The following AK5 variants were observed in gnomAD, a reference collection of about 807,000 sequenced individuals.
AK5 encodes the protein adenylate kinase 5.
Under a neutral mutation model 69.5 loss-of-function variants are expected in AK5, and 27 were observed. The ratio of observed to expected loss-of-function variants is 0.39; its 90% CI spans 0.29 to 0.54. The LOEUF is 0.54. AK5 is among the 20% of genes least tolerant of loss of function. The probability of loss-of-function intolerance (pLI) is 0.71; values close to 1 mark genes in which losing one functional copy is unlikely to be tolerated. For synonymous variants in AK5, 260 were observed against 244.4 expected, an observed-to-expected ratio of 1.06 and a Z score of -0.60; for missense variants, 531 against 700.4, an observed-to-expected ratio of 0.76 and a Z score of 2.73.
chr1:77,466,698 C>T lies in AK5; in HGVS notation c.1060-16619C>T, dbSNP rs999474595. Among the ~76,000 whole-genome samples, 5 of 152,322 alleles carry T rather than the reference C, an allele frequency of 3.3e-5. 1 individual carries two copies. The highest frequency in any genetic ancestry group is 3.3e-4 in the Admixed American group (5 of 15,294). On this transcript the variant is annotated intron_variant, in intron 8 of 13. Transcript: ENST00000354567. ...TCAAGGTGCCAGCATCTGGTGAGGG[C>T]CTGTTTGCTACGTCCTCACATGTTG...
At chr1:77,343,176 C>T (rs1661744540) in intron 6 of AK5, among the ~76,000 whole-genome samples, 1 of 152,100 alleles carries the variant, frequency 6.6e-6, no homozygotes, top group Non-Finnish European at 1.5e-5. Context: ...ATGTCATGCA[C>T]TGTTTTAGGG....
intron 13 of AK5, among the ~76,000 whole-genome samples, chr1:77,536,776 T>C (rs1658994505): frequency 6.6e-6 from 1 of 152,238 alleles, no homozygotes; most frequent in Non-Finnish European, 1.5e-5. Flanking sequence ...CACAATTGGC[T>C]CTTGGCTCCT....
chr1:77,505,206 A>G (rs1450564045), intron 10 of AK5, among the ~76,000 whole-genome samples: 1 of 152,162 alleles, frequency 6.6e-6, no homozygotes, highest in Admixed American at 6.5e-5. Context: ...ACTTCCCTTT[A>G]CTGTGCACAA....
chr1:77,306,985 T>A (rs546924905), intron 5 of AK5, among the ~76,000 whole-genome samples: 2 of 152,258 alleles, frequency 1.3e-5, no homozygotes, highest in Non-Finnish European at 2.9e-5. Flanking sequence ...CTCTTTTTTT[T>A]CCTAGCCTGG....
intron 5 of AK5, chr1:77,313,968 A>G: frequency 2.1e-6 from 1 of 470,808 alleles, no homozygotes; most frequent in Admixed American, 2.4e-5. Flanking sequence ...TGAAGTACAG[A>G]GCTGGCTATT....
At chr1:77,335,354 G>A (rs1661291341) in intron 5 of AK5, among the ~76,000 whole-genome samples, 1 of 148,754 alleles carries the variant, frequency 6.7e-6, no homozygotes, top group Admixed American at 6.8e-5. Flanking sequence ...TTACTTCCAT[G>A]TAGACAAAAG....
chr1:77,558,033 T>C (rs1191207800), intron 13 of AK5, among the ~76,000 whole-genome samples: 1 of 150,840 alleles, frequency 6.6e-6, no homozygotes, highest in Non-Finnish European at 1.5e-5. Flanking sequence ...GAGTAATATA[T>C]ATTTAAGTTT....
chr1:77,425,516 G>T (rs1218243883), intron 8 of AK5, among the ~76,000 whole-genome samples: 1 of 152,168 alleles, frequency 6.6e-6, no homozygotes, highest in East Asian at 1.9e-4. Context: ...GAAACCAGGA[G>T]GCGGAGGTTG....
At chr1:77,357,012 C>T (rs1662564726) in intron 6 of AK5, among the ~76,000 whole-genome samples, 1 of 152,152 alleles carries the variant, frequency 6.6e-6, no homozygotes, top group Non-Finnish European at 1.5e-5. Context: ...CTTCTGTCTT[C>T]TTCCGATTTG....
chr1:77,312,999 T>C (rs1358421757), intron 5 of AK5, among the ~76,000 whole-genome samples: 2 of 152,136 alleles, frequency 1.3e-5, no homozygotes, highest in African/African-American at 4.8e-5. Context: ...AAATTATTTC[T>C]GTGACCCCAA....
At chr1:77,321,146 A>T (rs2799563) in intron 5 of AK5, among the ~76,000 whole-genome samples, 22,791 of 152,134 alleles carry the variant, frequency 0.15, 2,216 homozygotes, top group Non-Finnish European at 0.21. Context: ...TGTATGGTAC[A>T]TTCACCAAGA....
At chr1:77,363,257 T>C (rs34997978) in intron 6 of AK5, among the ~76,000 whole-genome samples, 18,748 of 152,094 alleles carry the variant, frequency 0.12, 1,262 homozygotes, top group Middle Eastern at 0.15. Context: ...GCCAAAAGCT[T>C]TGTGGTCTTT....
intron 5 of AK5, among the ~76,000 whole-genome samples, chr1:77,317,958 T>C (rs1484970153): frequency 1.3e-5 from 2 of 152,204 alleles, no homozygotes; most frequent in East Asian, 3.8e-4. Flanking sequence ...TAGTCTATAA[T>C]GGCACACAGC....
At chr1:77,395,701 C>G (rs967978936) in intron 6 of AK5, among the ~76,000 whole-genome samples, 1 of 152,144 alleles carries the variant, frequency 6.6e-6, no homozygotes, top group Non-Finnish European at 1.5e-5. Context: ...ATAAAAGAGG[C>G]ATAACTAAAC....
intron 2 of AK5, among the ~76,000 whole-genome samples, chr1:77,289,053 A>T (rs1033209649): frequency 1.3e-5 from 2 of 152,222 alleles, no homozygotes; most frequent in Non-Finnish European, 2.9e-5. Flanking sequence ...CTCTTACCAT[A>T]CAATCTATTC....
At chr1:77,409,700 C>A (rs1649906234) in intron 6 of AK5, among the ~76,000 whole-genome samples, 1 of 152,198 alleles carries the variant, frequency 6.6e-6, no homozygotes, top group Admixed American at 6.5e-5. Context: ...TGTCTGTTTA[C>A]TCTGCTGGTA....
Position 77,340,324 on chromosome 1 carries a change from C to T in AK5, c.700-53C>T, listed in dbSNP as rs1253650095. The T allele has an allele frequency of 2.0e-6, 3 of 1,499,938 alleles. No homozygotes were observed. The East Asian group carries it at 6.8e-5, about 34-fold the overall frequency. 92.9% of individuals were successfully genotyped at this position (1,499,938 alleles called of 1,614,324 possible). On this transcript the variant is annotated intron_variant, in intron 5 of 13. Transcript: ENST00000354567. ...AAGGAAATGAATGCAGCTGCCCACA[C>T]ATGCATTAGTTGGTATGTTGAATGC...
At chr1:77,520,953 A>G (rs12042177) in intron 11 of AK5, among the ~76,000 whole-genome samples, 25,587 of 152,056 alleles carry the variant, frequency 0.17, 2,424 homozygotes, top group Non-Finnish European at 0.18. Context: ...TTTTTCCTCT[A>G]CCAATTTCCA....
intron 8 of AK5, 130 bp downstream of exon 8, chr1:77,417,845 A>G (rs895066026): frequency 1.2e-5 from 7 of 588,636 alleles, no homozygotes; most frequent in East Asian, 6.1e-5. Flanking sequence ...AACATATTAC[A>G]TGATAAATTA....
Sources: gnomAD v4.1 joint callset for allele counts (sites outside exome capture counted in the v4.1 genomes callset) on GRCh38, gnomAD v4.1.1 for gene constraint, MANE v1.5 for transcripts, NCBI Gene and HGNC (gene_info 2026-07-23, HGNC 2026-07-21) for gene names.